RAB10: variants seen among roughly 807,000 people sequenced by gnomAD.
RAB10 encodes the protein ras-related protein Rab-10.
In RAB10, 5 loss-of-function variants were observed where a neutral mutation model predicts 25.7. The ratio of observed to expected loss-of-function variants is 0.19; its 90% CI spans 0.10 to 0.41. The LOEUF (loss-of-function observed/expected upper bound fraction) is 0.41. Among genes scored for constraint, RAB10 ranks in the 10% least tolerant of loss-of-function variants. The pLI, the probability that RAB10 is intolerant of heterozygous loss-of-function variation, is 1.00. For synonymous variants in RAB10, 89 were observed against 86.4 expected, an observed-to-expected ratio of 1.03 and a Z score of -0.16; for missense variants, 103 against 245.8, an observed-to-expected ratio of 0.42 and a Z score of 3.89.
At chr2:26,082,473 A>G (rs1393296101) in intron 1 of RAB10, among the ~76,000 whole-genome samples, 1 of 152,136 alleles carries the variant, frequency 6.6e-6, no homozygotes, top group Non-Finnish European at 1.5e-5. Flanking sequence ...TATATACCTA[A>G]TAACAGAATA....
intron 1 of RAB10, among the ~76,000 whole-genome samples, chr2:26,085,082 A>T (rs1012103953): frequency 1.3e-5 from 2 of 152,170 alleles, no homozygotes; most frequent in African/African-American, 4.8e-5. Flanking sequence ...CTTCCATCTC[A>T]ACCCATTTCA....
chr2:26,122,310 G>A (rs1416658481), intron 3 of RAB10, among the ~76,000 whole-genome samples: 1 of 152,164 alleles, frequency 6.6e-6, no homozygotes, highest in Non-Finnish European at 1.5e-5. Context: ...CAGCTCTTAT[G>A]TGGGTACAGG....
chr2:26,046,967 T>C (rs1314227872), intron 1 of RAB10, among the ~76,000 whole-genome samples: 3 of 152,198 alleles, frequency 2.0e-5, no homozygotes, highest in African/African-American at 7.2e-5. Context: ...AGGGATCTCT[T>C]GTATACTTTG....
intron 1 of RAB10, among the ~76,000 whole-genome samples, chr2:26,095,642 G>A (rs1433937865): frequency 6.6e-6 from 1 of 151,894 alleles, no homozygotes; most frequent in East Asian, 1.9e-4. Flanking sequence ...TGGACGCAGT[G>A]GCTCACGCCC....
At chr2:26,058,556 C>T (rs1025724778) in intron 1 of RAB10, among the ~76,000 whole-genome samples, 2 of 152,148 alleles carry the variant, frequency 1.3e-5, no homozygotes, top group African/African-American at 4.8e-5. Context: ...TACCACCGTA[C>T]TGTGCCCCGG....
rs544374206 is a variant in RAB10, at chr2:26,044,704, G to C, written c.127+9969G>C. On this transcript the variant is annotated intron_variant, in intron 1 of 5. Coordinates refer to ENST00000264710, the MANE Select transcript of RAB10 (RefSeq NM_016131.5). ...GGGATTACAGGCATGAGCCACCACTGCTGGCTAATTTTTGTATTTTTAGCA... is the reference window on the plus strand; with the variant it reads ...GGGATTACAGGCATGAGCCACCACTCCTGGCTAATTTTTGTATTTTTAGCA... Among the ~76,000 whole-genome samples, 71 of 152,012 alleles carry C rather than the reference G, an allele frequency of 4.7e-4. 2 individuals are homozygous for C. The South Asian group carries it at 0.013, about 27-fold the overall frequency.
intron 1 of RAB10, among the ~76,000 whole-genome samples, chr2:26,096,555 T>C (rs1667223818): frequency 6.6e-6 from 1 of 152,218 alleles, no homozygotes; most frequent in South Asian, 2.1e-4. Context: ...ACTTCTTTTC[T>C]ACTCTGTCAA....
At chr2:26,120,082 G>A (rs566239699) in intron 3 of RAB10, among the ~76,000 whole-genome samples, 5 of 151,794 alleles carry the variant, frequency 3.3e-5, no homozygotes, top group South Asian at 2.1e-4. Flanking sequence ...TATTGGCTTC[G>A]GCTTCGTTCC....
In RAB10 at chr2:26,089,108, C is replaced by G. The variant is rs1667050074; in HGVS notation, c.128-9554C>G. 2.6e-5 allele frequency among the ~76,000 whole-genome samples: 4 copies of G among 151,964 alleles called. No homozygotes were observed. In the East Asian group the frequency reaches 7.7e-4, roughly 29 times the overall value. On this transcript the variant is annotated intron_variant, in intron 1 of 5. Transcript: ENST00000264710. ...TGGAGAGGTGGCTTGGGGCCATGCT[C>G]AGAAATATATTTATTCATAGAGAGT...
At chr2:26,079,500 C>A (rs897079226) in intron 1 of RAB10, among the ~76,000 whole-genome samples, 1 of 152,180 alleles carries the variant, frequency 6.6e-6, no homozygotes, top group South Asian at 2.1e-4. Flanking sequence ...TCAGTATGAA[C>A]TCATGGTTCA....
Position 26,127,234 on chromosome 2 carries a change from G to T in RAB10, c.417+1G>T. 6.3e-7 allele frequency: 1 copy of T among 1,576,216 alleles called. No individual in the cohort carries two copies. The highest frequency in any genetic ancestry group is 2.3e-5 in the East Asian group (1 of 43,928). Reference sequence around the variant, plus strand: ...TGTACCTAAAGGAAAAGGAGAACAGGTAAAAATCTGAATTAAACTGATACT... The same window carrying T: ...TGTACCTAAAGGAAAAGGAGAACAGTTAAAAATCTGAATTAAACTGATACT... On this transcript the variant is annotated splice_donor_variant, in intron 4 of 5. Transcript: ENST00000264710. LOFTEE classifies it high-confidence loss of function.
chr2:26,100,512 AG>A (rs987672198), intron 2 of RAB10, among the ~76,000 whole-genome samples: 2 of 152,070 alleles, frequency 1.3e-5, no homozygotes, highest in Non-Finnish European at 2.9e-5. Context: ...GGAATTAAAA[AG>A]GTATATTTCC....
chr2:26,039,124 A>T (rs907856398), intron 1 of RAB10, among the ~76,000 whole-genome samples: 4 of 149,628 alleles, frequency 2.7e-5, no homozygotes, highest in Non-Finnish European at 5.9e-5. Flanking sequence ...GGTTCAAGCA[A>T]TTCTACTGCC....
At chr2:26,103,476 G>A (rs1406362273) in intron 2 of RAB10, among the ~76,000 whole-genome samples, 2 of 152,180 alleles carry the variant, frequency 1.3e-5, no homozygotes, top group Non-Finnish European at 2.9e-5. Flanking sequence ...GTAATCCCCA[G>A]AATAAAGAGT....
chr2:26,119,473 G>A (rs1466010639), intron 3 of RAB10, among the ~76,000 whole-genome samples: 2 of 150,888 alleles, frequency 1.3e-5, no homozygotes, highest in East Asian at 3.9e-4. Context: ...TAGTTTTTGT[G>A]TTTTGTTATT....
intron 1 of RAB10, among the ~76,000 whole-genome samples, chr2:26,087,852 A>G (rs534287766): frequency 1.5e-4 from 23 of 152,258 alleles, no homozygotes; most frequent in African/African-American, 5.5e-4. Context: ...CGCTGTTACT[A>G]TTATTACACA....
chr2:26,059,200 A>C (rs1038488732), intron 1 of RAB10, among the ~76,000 whole-genome samples: 1 of 152,254 alleles, frequency 6.6e-6, no homozygotes, highest in South Asian at 2.1e-4. Context: ...GTACTTGATC[A>C]TTACAGTGGA....
chr2:26,123,247 G>C (rs1356047482), intron 3 of RAB10, among the ~76,000 whole-genome samples: 2 of 152,124 alleles, frequency 1.3e-5, no homozygotes, highest in Non-Finnish European at 2.9e-5. Flanking sequence ...TGGCCACCCA[G>C]AACCCCATGA....
Position 26,110,695 on chromosome 2 carries a change from G to GTT in RAB10, c.327+797_327+798dup, listed in dbSNP as rs529535777. 1.9e-4 allele frequency among the ~76,000 whole-genome samples: 28 copies of GTT among 150,620 alleles called. No homozygotes were observed. The East Asian group carries it at 2.3e-3, about 13-fold the overall frequency. ...TAGTTCCATTGCATGTGAAAATGTT[G>GTT]TTTTTTTTTCTGTATTTTGGGTTTT... On this transcript the variant is annotated intron_variant, in intron 3 of 5. Coordinates refer to ENST00000264710, the MANE Select transcript of RAB10 (RefSeq NM_016131.5).
Sources: gnomAD v4.1 joint callset for allele counts (sites outside exome capture counted in the v4.1 genomes callset) on GRCh38, gnomAD v4.1.1 for gene constraint, MANE v1.5 for transcripts, NCBI Gene and HGNC (gene_info 2026-07-23, HGNC 2026-07-21) for gene names.